The following CLYBL variants were observed in gnomAD, a reference collection of about 807,000 sequenced individuals.
The protein encoded by CLYBL is citramalyl-CoA lyase.
CLYBL carries 31 observed loss-of-function variants against 38.9 expected under a neutral mutation model. That is an observed-to-expected ratio of 0.80 (90% CI 0.60 to 1.08). The LOEUF (loss-of-function observed/expected upper bound fraction) is 1.08, where lower values mean the gene tolerates loss of function less well. Among genes scored for constraint, CLYBL ranks in the 50% least tolerant of loss-of-function variants. CLYBL has a pLI of 0.00. For synonymous variants in CLYBL, 171 were observed against 158.6 expected, an observed-to-expected ratio of 1.08 and a Z score of -0.59; for missense variants, 434 against 411.6, an observed-to-expected ratio of 1.05 and a Z score of -0.47.
chr13:99,636,455 GGCTGGGCAGGGCCTCCAGT>G (rs1310140382), intron 1 of CLYBL, among the ~76,000 whole-genome samples: 1 of 152,260 alleles, frequency 6.6e-6, no homozygotes, highest in East Asian at 1.9e-4. Flanking sequence ...AGCACATCTG[GGCTGGGCAGGGCCTCCAGT>G]GCCTTCTGCA....
In CLYBL at chr13:99,848,868, G is replaced by A. The variant is rs556320124; in HGVS notation, c.250-9993G>A. Among the ~76,000 whole-genome samples, 13 of 152,332 alleles carry A rather than the reference G, an allele frequency of 8.5e-5. 1 individual carries two copies. Among genetic ancestry groups the A allele is most frequent in the Middle Eastern group, 6.8e-3 (2 of 294 alleles). ...GTATTGGGAAAGATGGCTGAGTACC[G>A]TGGCTCACGCCGAAAATCCCAGCAC... On this transcript the variant is annotated intron_variant, in intron 2 of 8. Coordinates refer to ENST00000339105, the MANE Select transcript of CLYBL (RefSeq NM_206808.5).
At chr13:99,782,626 CT>C (rs1014960283) in intron 2 of CLYBL, among the ~76,000 whole-genome samples, 3 of 151,952 alleles carry the variant, frequency 2.0e-5, no homozygotes, top group Admixed American at 1.3e-4. Flanking sequence ...AACAAAAGTC[CT>C]TTTTTTTCCC....
At position 99,773,028 on chromosome 13, in the gene CLYBL, G is replaced by A. The variant is rs530774697; in HGVS notation, c.249+18G>A. On this transcript the variant is annotated intron_variant, in intron 2 of 8. Transcript: ENST00000339105. Reference sequence around the variant, plus strand: ...ACAAAAAGGTAATGGCATGATTTTAGTATGAGAAAAAGAAAGGTATTGAAA... The same window carrying A: ...ACAAAAAGGTAATGGCATGATTTTAATATGAGAAAAAGAAAGGTATTGAAA... 7 of 1,597,922 alleles carry A rather than the reference G, an allele frequency of 4.4e-6. No individual in the cohort carries two copies. In the East Asian group the frequency reaches 1.3e-4, roughly 31 times the overall value.
At chr13:99,742,994 C>G (rs749107940) in intron 1 of CLYBL, among the ~76,000 whole-genome samples, 3 of 150,992 alleles carry the variant, frequency 2.0e-5, no homozygotes, top group Non-Finnish European at 4.4e-5. Context: ...ACAATTTGCA[C>G]TAGAAGAGGG....
At chr13:99,634,705 A>G (rs1594093805) in intron 1 of CLYBL, among the ~76,000 whole-genome samples, 1 of 152,210 alleles carries the variant, frequency 6.6e-6, no homozygotes. Context: ...ATAGCTAGGA[A>G]AAATAGAGAT....
Position 99,865,877 on chromosome 13 carries a change from G to A in CLYBL, c.635-363G>A, listed in dbSNP as rs2051729810. ...CGAACCATTGCCCTGCATAGCTGCTGGGCCACCCTTTGTGGTGCTGTCTTT... is the reference window on the plus strand; with the variant it reads ...CGAACCATTGCCCTGCATAGCTGCTAGGCCACCCTTTGTGGTGCTGTCTTT... On this transcript the variant is annotated intron_variant, in intron 5 of 8. Transcript: ENST00000339105. The surrounding 1 kb of genome is among the most constrained non-coding windows in gnomAD (Gnocchi z 4.7). Among the ~76,000 whole-genome samples the A allele has an allele frequency of 1.3e-5, 2 of 152,124 alleles. No individual in the cohort carries two copies. Among genetic ancestry groups the A allele is most frequent in the African/African-American group, 4.8e-5 (2 of 41,416 alleles).
At chr13:99,770,080 C>CTTTTTT (rs3033589) in intron 1 of CLYBL, among the ~76,000 whole-genome samples, 57 of 103,176 alleles carry the variant, frequency 5.5e-4, no homozygotes, top group Non-Finnish European at 8.8e-4. Context: ...TCTTTTCTTT[C>CTTTTTT]TTTTTTTTTT....
chr13:99,765,356 C>A (rs548157191), intron 1 of CLYBL, among the ~76,000 whole-genome samples: 1 of 152,198 alleles, frequency 6.6e-6, no homozygotes, highest in South Asian at 2.1e-4. Context: ...TGTCCTTGAC[C>A]TTTGAGAGTC....
chr13:99,730,181 C>G (rs2048562793), intron 1 of CLYBL, among the ~76,000 whole-genome samples: 1 of 152,216 alleles, frequency 6.6e-6, no homozygotes, highest in African/African-American at 2.4e-5. Context: ...TCAAGGTGCA[C>G]CCAGGACACT....
At position 99,849,934 on chromosome 13, in the gene CLYBL, G is replaced by A. The variant is rs2051292782; in HGVS notation, c.250-8927G>A. On this transcript the variant is annotated intron_variant, in intron 2 of 8. Coordinates refer to ENST00000339105, the MANE Select transcript of CLYBL (RefSeq NM_206808.5). This position sits in a 1 kb window ranked among gnomAD's most constrained non-coding sequence, Gnocchi z 4.9. ...ATTGTATTTTGTTGAAAAATAAGGT[G>A]TGAAAATACAAAACAAAAATATCAC... Among the ~76,000 whole-genome samples the A allele has an allele frequency of 1.3e-5, 2 of 152,036 alleles. No individual in the cohort carries two copies. Among genetic ancestry groups the A allele is most frequent in the Non-Finnish European group, 2.9e-5 (2 of 67,990 alleles).
chr13:99,728,806 C>T (rs2048529936), intron 1 of CLYBL, among the ~76,000 whole-genome samples: 1 of 152,102 alleles, frequency 6.6e-6, no homozygotes, highest in African/African-American at 2.4e-5. Flanking sequence ...TGGTCTCAAA[C>T]TCCTGGGCTC....
chr13:99,778,446 T>A (rs1377803817), intron 2 of CLYBL, among the ~76,000 whole-genome samples: 1 of 152,230 alleles, frequency 6.6e-6, no homozygotes, highest in Non-Finnish European at 1.5e-5. Context: ...CTCATTTTTT[T>A]ATTAATAGAC....
At chr13:99,856,470 A>G (rs942747301) in intron 2 of CLYBL, among the ~76,000 whole-genome samples, 3 of 152,204 alleles carry the variant, frequency 2.0e-5, no homozygotes, top group Non-Finnish European at 4.4e-5. Flanking sequence ...TGCAAGGCTG[A>G]CTTAGCTATT....
chr13:99,707,779 G>T (rs184477699), intron 1 of CLYBL, among the ~76,000 whole-genome samples: 1 of 152,302 alleles, frequency 6.6e-6, no homozygotes, highest in Admixed American at 6.5e-5. Flanking sequence ...TCCCAGGCTA[G>T]CTATGCAAAT....
intron 7 of CLYBL, among the ~76,000 whole-genome samples, chr13:99,881,232 A>C (rs937714225): frequency 6.6e-6 from 1 of 152,240 alleles, no homozygotes; most frequent in Non-Finnish European, 1.5e-5. Flanking sequence ...TTGAACTTTC[A>C]GAAATTTCAT....
chr13:99,885,056 G>A (rs763400837), intron 7 of CLYBL: 33 of 528,552 alleles, frequency 6.2e-5, no homozygotes, highest in South Asian at 1.7e-4. Context: ...AGCATCTCCC[G>A]TGTACCTGGC....
chr13:99,786,069 A>G (rs1033141750), intron 2 of CLYBL, among the ~76,000 whole-genome samples: 5 of 152,068 alleles, frequency 3.3e-5, no homozygotes, highest in African/African-American at 1.2e-4. Flanking sequence ...AGTAAGGTTA[A>G]TATTCAGTGT....
intron 1 of CLYBL, among the ~76,000 whole-genome samples, chr13:99,729,325 C>T (rs2139562977): frequency 6.6e-6 from 1 of 152,328 alleles, no homozygotes; most frequent in Middle Eastern, 3.4e-3. Context: ...TCCAAACCTT[C>T]CTTCAGCAGC....
At chr13:99,883,179 G>A (rs1438370062) in intron 7 of CLYBL, among the ~76,000 whole-genome samples, 2 of 152,160 alleles carry the variant, frequency 1.3e-5, no homozygotes, top group Admixed American at 6.5e-5. Context: ...TCGTCTAATA[G>A]AGACTGTCTT....
Sources: gnomAD v4.1 joint callset for allele counts (sites outside exome capture counted in the v4.1 genomes callset) on GRCh38, gnomAD v4.1.1 for gene constraint, Gnocchi (gnomAD v3.1) non-coding constraint, MANE v1.5 for transcripts, NCBI Gene and HGNC (gene_info 2026-07-23, HGNC 2026-07-21) for gene names.